ZNF148: variants seen among roughly 807,000 people sequenced by gnomAD.
ZNF148 encodes the protein zinc finger protein 148.
A neutral mutation model predicts 67.7 loss-of-function variants in ZNF148; 7 were observed. That is an observed-to-expected ratio of 0.10 (90% confidence interval 0.06 to 0.19). The LOEUF (loss-of-function observed/expected upper bound fraction) is 0.19, where lower values mean the gene tolerates loss of function less well. Among genes scored for constraint, ZNF148 ranks in the 10% least tolerant of loss-of-function variants. The probability of loss-of-function intolerance (pLI) is 1.00; values close to 1 mark genes in which losing one functional copy is unlikely to be tolerated. For synonymous variants in ZNF148, 333 were observed against 330.7 expected (o/e 1.01, Z -0.08); for missense variants, 583 against 947.1 (o/e 0.62, Z 5.05).
chr3:125,255,574 A>G (rs1208574434), intron 7 of ZNF148, among the ~76,000 whole-genome samples: 1 of 151,834 alleles, frequency 6.6e-6, no homozygotes, highest in Non-Finnish European at 1.5e-5. Flanking sequence ...CCATGTTTTC[A>G]TATGGGATCT....
At chr3:125,321,446 A>G (rs1940767683) in intron 3 of ZNF148, among the ~76,000 whole-genome samples, 1 of 152,170 alleles carries the variant, frequency 6.6e-6, no homozygotes, top group Non-Finnish European at 1.5e-5. Flanking sequence ...TAATTTATAA[A>G]TATTTGAATA....
chr3:125,268,310 A>G (rs1170939216), intron 7 of ZNF148, among the ~76,000 whole-genome samples: 1 of 151,910 alleles, frequency 6.6e-6, no homozygotes, highest in Non-Finnish European at 1.5e-5. Flanking sequence ...ACTTCAAACT[A>G]TACTACAGGC....
intron 7 of ZNF148, among the ~76,000 whole-genome samples, chr3:125,246,946 T>C (rs1290993139): frequency 1.3e-5 from 2 of 152,184 alleles, no homozygotes; most frequent in East Asian, 3.8e-4. Context: ...TCAGGCTAAG[T>C]AGAACCCATA....
chr3:125,301,381 A>T (rs1026600661), intron 4 of ZNF148, among the ~76,000 whole-genome samples: 2 of 152,210 alleles, frequency 1.3e-5, no homozygotes, highest in African/African-American at 4.8e-5. Context: ...TGCTGTTGAA[A>T]ACATAGTGCC....
In ZNF148 at chr3:125,231,853, CT is replaced by C. The variant is rs573024396; in HGVS notation, c.*487del. The C allele has an allele frequency of 7.7e-4, 119 of 154,256 alleles. No homozygotes were observed. The highest frequency in any genetic ancestry group is 2.6e-3 in the African/African-American group (109 of 41,476). The allele number at this position is 154,256 out of a possible 1,614,324, so 9.6% of individuals were successfully genotyped here. On this transcript the variant is annotated 3_prime_UTR_variant, in exon 9 of 9. Transcript: ENST00000360647. ...AGGTGGTTTCTTGGTTTTTTTCCCC[CT>C]ATAGGACACACTAATTTATTTAAGC...
intron 7 of ZNF148, among the ~76,000 whole-genome samples, chr3:125,236,520 G>A (rs1450815397): frequency 6.6e-6 from 1 of 151,946 alleles, no homozygotes; most frequent in Admixed American, 6.6e-5. Flanking sequence ...AAAGCCAAGG[G>A]GAAAAAAATG....
chr3:125,313,596 G>C lies in ZNF148; in HGVS notation c.45C>G (p.Gly15=), dbSNP rs756356629. Residue 15 remains glycine (G), a synonymous_variant, in exon 4 of 9, where the codon GGC becomes GGG. Coordinates refer to ENST00000360647, the MANE Select transcript of ZNF148 (RefSeq NM_021964.3). ...TGGAAGACTGCATTTCGTCTATGCC[G>C]CCACATTTAAGAAACAATCCTTCCA... ...DKLEGLFLKC[G]GIDEMQSSRT... 6.2e-7 allele frequency: 1 copy of C among 1,613,776 alleles called. No individual in the cohort carries two copies. The highest frequency in any genetic ancestry group is 1.1e-5 in the South Asian group (1 of 91,042).
chr3:125,366,478 C>T (rs995972229), intron 1 of ZNF148, among the ~76,000 whole-genome samples: 7 of 152,152 alleles, frequency 4.6e-5, no homozygotes, highest in African/African-American at 1.2e-4. Context: ...ATTATTTTGT[C>T]GGTCATGAAA....
At chr3:125,246,366 C>A (rs1169845832) in intron 7 of ZNF148, among the ~76,000 whole-genome samples, 1 of 152,058 alleles carries the variant, frequency 6.6e-6, no homozygotes, top group African/African-American at 2.4e-5. Flanking sequence ...AGATCATGTA[C>A]CATTATGTGA....
rs1370546807 is a variant in ZNF148 at position 125,232,330 on chromosome 3, T to G, written c.*11A>C. On this transcript the variant is annotated 3_prime_UTR_variant, in exon 9 of 9. Coordinates refer to ENST00000360647, the MANE Select transcript of ZNF148 (RefSeq NM_021964.3). This position sits in a 1 kb window ranked among gnomAD's most constrained non-coding sequence, Gnocchi z 4.2. ...TAAAGTGCCAGTATTATTTACACTT[T>G]TTTTTTTTTTTTAGCCAAAAGTCTG... The G allele has an allele frequency of 1.3e-6, 1 of 743,004 alleles. No homozygotes were observed. Among genetic ancestry groups the G allele is most frequent in the Non-Finnish European group, 1.9e-6 (1 of 530,278 alleles). 46.0% of individuals were successfully genotyped at this position (743,004 alleles called of 1,614,324 possible). A position where few individuals can be genotyped will look rare whatever the true frequency, so the allele number is the denominator to read the frequency against.
At chr3:125,327,007 T>C (rs1433366350) in intron 2 of ZNF148, among the ~76,000 whole-genome samples, 2 of 151,584 alleles carry the variant, frequency 1.3e-5, no homozygotes, top group Admixed American at 1.3e-4. Context: ...AAATTCCAAC[T>C]ATATGCTGTC....
At chr3:125,256,630 C>A (rs1393620439) in intron 7 of ZNF148, among the ~76,000 whole-genome samples, 1 of 152,096 alleles carries the variant, frequency 6.6e-6, no homozygotes, top group Non-Finnish European at 1.5e-5. Flanking sequence ...GAGCCGAGAT[C>A]GTGCCACTAC....
At chr3:125,298,685 C>T (rs560149567) in intron 4 of ZNF148, among the ~76,000 whole-genome samples, 3 of 132,924 alleles carry the variant, frequency 2.3e-5, no homozygotes, top group Non-Finnish European at 4.6e-5. Context: ...AGTGCAGTGG[C>T]GTGATCTCAG....
rs397806155 is a variant in ZNF148 at position 125,318,505 on chromosome 3, GA to G, written c.-17+4803del. The stretch of plus-strand genomic sequence containing the variant: ...TCACATGGAAGACTGATTTGGAAGG[GA>G]AAAAAAAACTAAACAATTAATTTCA... On this transcript the variant is annotated intron_variant, in intron 3 of 8. Transcript: ENST00000360647. Among the ~76,000 whole-genome samples, 237 of 150,140 alleles carry G rather than the reference GA, an allele frequency of 1.6e-3. 1 individual carries two copies. Among genetic ancestry groups the G allele is most frequent in the African/African-American group, 4.9e-3 (201 of 40,828 alleles).
At chr3:125,344,333 C>T (rs948215309) in intron 1 of ZNF148, 1 of 545,318 alleles carries the variant, frequency 1.8e-6, no homozygotes, top group South Asian at 1.9e-5. Context: ...AATCTTGTAT[C>T]AAAAGAAGAA....
chr3:125,307,787 G>A (rs1002645715), intron 4 of ZNF148, among the ~76,000 whole-genome samples: 1 of 150,830 alleles, frequency 6.6e-6, no homozygotes, highest in Non-Finnish European at 1.5e-5. Flanking sequence ...TGAGACTACA[G>A]GTGCACACCA....
At chr3:125,292,236 A>G (rs1939056821) in intron 4 of ZNF148, among the ~76,000 whole-genome samples, 1 of 152,146 alleles carries the variant, frequency 6.6e-6, no homozygotes, top group Admixed American at 6.5e-5. Context: ...TGCCTGATCC[A>G]TGACCGCATG....
At chr3:125,350,320 C>T (rs192925568) in intron 1 of ZNF148, among the ~76,000 whole-genome samples, 2 of 152,212 alleles carry the variant, frequency 1.3e-5, no homozygotes, top group African/African-American at 2.4e-5. Context: ...GTCACCAGGC[C>T]CATCTAATTT....
At chr3:125,358,805 G>GCATTTCATTTCATTCTAATCTC (rs765762099) in intron 1 of ZNF148, among the ~76,000 whole-genome samples, 2 of 152,164 alleles carry the variant, frequency 1.3e-5, no homozygotes, top group Non-Finnish European at 2.9e-5. Flanking sequence ...AGAACAGCAA[G>GCATTTCATTTCATTCTAATCTC]TGTGCATTTC....
Sources: gnomAD v4.1 joint callset for allele counts (sites outside exome capture counted in the v4.1 genomes callset) on GRCh38, gnomAD v4.1.1 for gene constraint, Gnocchi (gnomAD v3.1) non-coding constraint, MANE v1.5 for transcripts, NCBI Gene and HGNC (gene_info 2026-07-23, HGNC 2026-07-21) for gene names.